The following MAP3K3 variants were observed in gnomAD, a reference collection of about 807,000 sequenced individuals.
MAP3K3 encodes mitogen-activated protein kinase kinase kinase 3, also known as MAP/ERK kinase kinase 3.
MAP3K3 carries 12 observed loss-of-function variants against 80.9 expected under a neutral mutation model. The ratio of observed to expected loss-of-function variants is 0.15; its 90% CI spans 0.10 to 0.24. The LOEUF (loss-of-function observed/expected upper bound fraction) is 0.24, where lower values mean the gene tolerates loss of function less well. MAP3K3 is among the 10% of genes least tolerant of loss of function. MAP3K3 has a pLI of 1.00. For missense variants in MAP3K3, 596 were observed against 834.7 expected (o/e 0.71, Z 3.52); for synonymous variants, 272 against 307.1 (o/e 0.89, Z 1.19).
intron 6 of MAP3K3, among the ~76,000 whole-genome samples, chr17:63,681,415 A>G (rs1366529420): frequency 3.3e-5 from 5 of 152,232 alleles, no homozygotes; most frequent in Non-Finnish European, 7.3e-5. Context: ...TTAGTGCTCT[A>G]GAGGAAGAGA....
chr17:63,639,769 C>T (rs1015785357), intron 2 of MAP3K3, among the ~76,000 whole-genome samples: 2 of 152,114 alleles, frequency 1.3e-5, no homozygotes, highest in Non-Finnish European at 2.9e-5. Context: ...TATTTTTAAG[C>T]ATGACTCTGG....
At chr17:63,673,411 A>C (rs994603948) in intron 6 of MAP3K3, among the ~76,000 whole-genome samples, 5 of 151,946 alleles carry the variant, frequency 3.3e-5, no homozygotes, top group Non-Finnish European at 5.9e-5. Context: ...AACAAACAAA[A>C]AAAACCCTAC....
At chr17:63,652,767 T>G (rs754420338) in intron 4 of MAP3K3, 111 bp downstream of exon 4, 14 of 672,930 alleles carry the variant, frequency 2.1e-5, no homozygotes, top group Non-Finnish European at 3.6e-5. Context: ...CTGCAGGTTT[T>G]CATTTTCTAG....
At chr17:63,678,121 T>G (rs1205048865) in intron 6 of MAP3K3, among the ~76,000 whole-genome samples, 2 of 152,186 alleles carry the variant, frequency 1.3e-5, no homozygotes, top group Admixed American at 1.3e-4. Context: ...TTTTCTCGCT[T>G]CGGCCCCACC....
chr17:63,653,032 G>A (rs1377011099), intron 4 of MAP3K3, among the ~76,000 whole-genome samples: 1 of 152,180 alleles, frequency 6.6e-6, no homozygotes, highest in Non-Finnish European at 1.5e-5. Flanking sequence ...CTAGGGAGGT[G>A]TGAAAAACCA....
intron 7 of MAP3K3, among the ~76,000 whole-genome samples, chr17:63,685,080 C>G (rs1169505603): frequency 6.6e-6 from 1 of 152,204 alleles, no homozygotes; most frequent in East Asian, 1.9e-4. Context: ...CCTAACCTTT[C>G]TAGGCCTGTA....
chr17:63,644,072 G>A (rs1355983998), intron 2 of MAP3K3, among the ~76,000 whole-genome samples: 2 of 152,064 alleles, frequency 1.3e-5, no homozygotes, highest in Non-Finnish European at 2.9e-5. Context: ...TACTTGTTTT[G>A]AGGATCAGTT....
intron 2 of MAP3K3, among the ~76,000 whole-genome samples, chr17:63,643,537 G>A (rs532656171): frequency 6.6e-6 from 1 of 152,112 alleles, no homozygotes; most frequent in African/African-American, 2.4e-5. Flanking sequence ...AATAATAGGG[G>A]AAACTGTACA....
At chr17:63,631,247 CA>C (rs2034209738) in intron 1 of MAP3K3, among the ~76,000 whole-genome samples, 1 of 152,100 alleles carries the variant, frequency 6.6e-6, no homozygotes, top group African/African-American at 2.4e-5. Flanking sequence ...GTGATTGCAC[CA>C]CTGCACTCTA....
rs1482357528 is a variant in MAP3K3, at chr17:63,693,326, C to T, written c.1653-223C>T. 2.6e-5 allele frequency among the ~76,000 whole-genome samples: 4 copies of T among 152,196 alleles called. No individual in the cohort carries two copies. Among genetic ancestry groups the T allele is most frequent in the African/African-American group, 9.7e-5 (4 of 41,440 alleles). On this transcript the variant is annotated intron_variant, in intron 15 of 15. Transcript: ENST00000361733. This position sits in a 1 kb window ranked among gnomAD's most constrained non-coding sequence, Gnocchi z 4.2. ...TATTGTAGAGTTCTTTCTGTCAAGT[C>T]TAAGTGATTCTCTTTTTCCTTATTT...
At chr17:63,637,077 G>A (rs527311495) in intron 2 of MAP3K3, 350 of 455,176 alleles carry the variant, frequency 7.7e-4, no homozygotes, top group Middle Eastern at 4.5e-3. Flanking sequence ...GAGAGCGTGT[G>A]TAGAGTGTCG....
At chr17:63,681,974 G>C (rs1375515632) in intron 7 of MAP3K3, 75 bp downstream of exon 7, 2 of 1,268,260 alleles carry the variant, frequency 1.6e-6, no homozygotes, top group African/African-American at 3.1e-5. Flanking sequence ...GTTCTTAGTA[G>C]TCACAGTGCA....
At chr17:63,690,444 C>T in intron 12 of MAP3K3, 32 bp downstream of exon 12, 1 of 1,602,710 alleles carries the variant, frequency 6.2e-7, no homozygotes, top group Non-Finnish European at 8.5e-7. Flanking sequence ...ACTTCAGTTC[C>T]CTCCTTTCAA....
chr17:63,646,183 C>T, intron 3 of MAP3K3, 109 bp downstream of exon 3: 1 of 967,098 alleles, frequency 1.0e-6, no homozygotes, highest in Non-Finnish European at 1.6e-6. Context: ...GGGCCACTGG[C>T]TGGGTAATAG....
intron 3 of MAP3K3, 98 bp from the exon 4 acceptor site, chr17:63,652,459 A>G (rs1213368457): frequency 2.9e-5 from 23 of 780,894 alleles, no homozygotes; most frequent in Non-Finnish European, 3.9e-5. Flanking sequence ...ACAGAATCCT[A>G]TGTTGAGAAG....
chr17:63,622,585 C>T lies in MAP3K3; in HGVS notation c.-175C>T, dbSNP rs1418969321. 6.4e-6 allele frequency: 1 copy of T among 155,716 alleles called. No homozygotes were observed. Among genetic ancestry groups the T allele is most frequent in the East Asian group, 1.9e-4 (1 of 5,172 alleles). 9.6% of individuals were successfully genotyped at this position (155,716 alleles called of 1,614,324 possible). A position where few individuals can be genotyped will look rare whatever the true frequency, so the allele number is the denominator to read the frequency against. On this transcript the variant is annotated 5_prime_UTR_variant, in exon 1 of 16. Coordinates refer to ENST00000361733, the MANE Select transcript of MAP3K3 (RefSeq NM_002401.5). ...CCCTGCCGATGCCACAGCGCCCGGC[C>T]GCGGGCGGAGCCGGAGCCGGAGCCT...
intron 8 of MAP3K3, chr17:63,688,203 C>T (rs1568153625): frequency 9.8e-6 from 4 of 408,074 alleles, no homozygotes; most frequent in African/African-American, 6.1e-5. Context: ...TTATTACTGC[C>T]CTGGGCAAAG....
At chr17:63,622,848 C>T in intron 1 of MAP3K3, 85 bp downstream of exon 1, 1 of 380,678 alleles carries the variant, frequency 2.6e-6, no homozygotes, top group Admixed American at 2.9e-5. Flanking sequence ...CCTGGGCCAC[C>T]GCCTGACAGG....
rs1182592172 is a variant in MAP3K3 at position 63,691,361 on chromosome 17, CA to C, written c.1344+131del. 2 of 1,315,368 alleles carry C rather than the reference CA, an allele frequency of 1.5e-6. No homozygotes were observed. Among genetic ancestry groups the C allele is most frequent in the Non-Finnish European group, 2.1e-6 (2 of 942,472 alleles). The allele number at this position is 1,315,368 out of a possible 1,614,324, so 81.5% of individuals were successfully genotyped here. A position where few individuals can be genotyped will look rare whatever the true frequency, so the allele number is the denominator to read the frequency against. On this transcript the variant is annotated intron_variant, in intron 13 of 15. Transcript: ENST00000361733. The surrounding 1 kb of genome is among the most constrained non-coding windows in gnomAD (Gnocchi z 4.8). ...CTGAGGCTCCAGAGGCCCAGAGGAG[CA>C]AAGTGAGGTGATGGTGGGACTTGGA...
Sources: allele counts gnomAD v4.1 joint callset (sites outside exome capture counted in the v4.1 genomes callset), GRCh38; gene constraint gnomAD v4.1.1; non-coding constraint Gnocchi (gnomAD v3.1); transcripts MANE v1.5; gene names NCBI Gene and HGNC (gene_info 2026-07-23, HGNC 2026-07-21).